COL7A1: variants seen among roughly 807,000 people sequenced by gnomAD.
The protein encoded by COL7A1 is collagen type VII alpha 1 chain, also known as collagen alpha-1(VII) chain.
COL7A1 carries 296 observed loss-of-function variants against 456.2 expected under a neutral mutation model. The ratio of observed to expected loss-of-function variants is 0.65; its 90% confidence interval spans 0.59 to 0.71. The LOEUF (loss-of-function observed/expected upper bound fraction) is 0.71. Ranked by LOEUF, COL7A1 falls within the 30% of genes least tolerant of loss-of-function variation. The pLI is 0.00. For missense variants in COL7A1, 3,441 were observed against 4,017.2 expected, an observed-to-expected ratio of 0.86 and a Z score of 3.88; for synonymous variants, 1,464 against 1,525.9, an observed-to-expected ratio of 0.96 and a Z score of 0.95.
rs765378487 is a variant in COL7A1 at position 48,571,303 on chromosome 3, T to C, written c.7069-25A>G. The C allele has an allele frequency of 3.1e-6, 5 of 1,613,940 alleles. No homozygotes were observed. Among genetic ancestry groups the C allele is most frequent in the Non-Finnish European group, 4.2e-6 (5 of 1,179,934 alleles). On this transcript the variant is annotated intron_variant, in intron 92 of 118. Coordinates refer to ENST00000681320, the MANE Select transcript of COL7A1 (RefSeq NM_000094.4). This position sits in a 1 kb window ranked among gnomAD's most constrained non-coding sequence, Gnocchi z 4.6. ...CCTAAGAAAACCCAGCAAACAGCAT[T>C]TGAGAGGGTAGGAACATGAGCACAG...
chr3:48,589,047 C>A, intron 18 of COL7A1, 52 bp from the exon 19 acceptor site: 1 of 1,612,062 alleles, frequency 6.2e-7, no homozygotes, highest in Non-Finnish European at 8.5e-7. Context: ...AGAGGCAGTG[C>A]AGGAATGGTT....
chr3:48,566,823 G>A lies in COL7A1; in HGVS notation c.8226+84C>T. ...GTTGGGGGCCACAGCTTCAGAGGTT[G>A]GGGCAGGCAGGCTGGAAGATGGTTA... On this transcript the variant is annotated intron_variant, in intron 111 of 118. Transcript: ENST00000681320. This position sits in a 1 kb window ranked among gnomAD's most constrained non-coding sequence, Gnocchi z 5.9. 6.3e-7 allele frequency: 1 copy of A among 1,583,916 alleles called. No homozygotes were observed. The highest frequency in any genetic ancestry group is 1.1e-5 in the South Asian group (1 of 89,874).
At position 48,585,957 on chromosome 3, in the gene COL7A1, G is replaced by C; in HGVS notation, c.3742C>G (p.Pro1248Ala). The C allele has an allele frequency of 1.2e-6, 2 of 1,614,070 alleles. No homozygotes were observed. The highest frequency in any genetic ancestry group is 1.7e-6 in the Non-Finnish European group (2 of 1,180,020). ...FTTQPRPEPC[P>A]VYCPKGQKGE... Reference sequence around the variant, plus strand: ...ACTCTTACCTTTGGACAATACACTGGGCAGGGCTCTGGCCGGGGCTGCGGA... The same window carrying C: ...ACTCTTACCTTTGGACAATACACTGCGCAGGGCTCTGGCCGGGGCTGCGGA... Residue 1248 changes from proline (P) to alanine (A), a missense_variant, in exon 29 of 119, where the codon CCA becomes GCA. By Grantham distance (27) the Pro-to-Ala change is conservative. Transcript: ENST00000681320. This position sits in a 1 kb window ranked among gnomAD's most constrained non-coding sequence, Gnocchi z 4.5.
chr3:48,583,431 G>C lies in COL7A1; in HGVS notation c.4402-3C>G, dbSNP rs1225325330. 6.2e-7 allele frequency: 1 copy of C among 1,614,046 alleles called. No individual in the cohort carries two copies. Among genetic ancestry groups the C allele is most frequent in the Admixed American group, 1.7e-5 (1 of 60,000 alleles). ...GCTCCAGGAGGTCCCCGTGGGCCCT[G>C]GAAGGGATGAATTTGGGGGTTCAGA... On this transcript the variant is annotated splice_polypyrimidine_tract_variant and splice_region_variant and intron_variant, in intron 41 of 118. Transcript: ENST00000681320. The surrounding 1 kb of genome is among the most constrained non-coding windows in gnomAD (Gnocchi z 5.1).
At position 48,591,344 on chromosome 3, in the gene COL7A1, C is replaced by A; in HGVS notation, c.1636+120G>T. 7.3e-7 allele frequency: 1 copy of A among 1,372,288 alleles called. No homozygotes were observed. Among genetic ancestry groups the A allele is most frequent in the African/African-American group, 1.4e-5 (1 of 70,034 alleles). The allele number at this position is 1,372,288 out of a possible 1,614,324, so 85.0% of individuals were successfully genotyped here. On this transcript the variant is annotated intron_variant, in intron 13 of 118. Coordinates refer to ENST00000681320, the MANE Select transcript of COL7A1 (RefSeq NM_000094.4). This position sits in a 1 kb window ranked among gnomAD's most constrained non-coding sequence, Gnocchi z 7.0. ...GCCATCTTGGGAAGCAGATGGATAACGAGACAGGGAGGAGACTATAGGGAC... is the reference window on the plus strand; with the variant it reads ...GCCATCTTGGGAAGCAGATGGATAAAGAGACAGGGAGGAGACTATAGGGAC...
rs779538291 is a variant in COL7A1 at position 48,592,257 on chromosome 3, G to A, written c.1094-9C>T. 11 of 1,613,976 alleles carry A rather than the reference G, an allele frequency of 6.8e-6. No homozygotes were observed. In the South Asian group the frequency reaches 1.2e-4, roughly 18 times the overall value. On this transcript the variant is annotated splice_polypyrimidine_tract_variant and intron_variant, in intron 9 of 118. Transcript: ENST00000681320. The surrounding 1 kb of genome is among the most constrained non-coding windows in gnomAD (Gnocchi z 7.6). ...CTGCTGTGTGGGCCCACCTGCATGGGGGACACCAAGGGGCCAGTGGGCCTT... is the reference window on the plus strand; with the variant it reads ...CTGCTGTGTGGGCCCACCTGCATGGAGGACACCAAGGGGCCAGTGGGCCTT...
Position 48,593,329 on chromosome 3 carries a change from G to A in COL7A1, c.520+27C>T. On this transcript the variant is annotated intron_variant, in intron 5 of 118. Coordinates refer to ENST00000681320, the MANE Select transcript of COL7A1 (RefSeq NM_000094.4). This position sits in a 1 kb window ranked among gnomAD's most constrained non-coding sequence, Gnocchi z 4.4. ...CTCTGACTGCCCCCACCCCCCAGCT[G>A]ACCTGTCACTCCTGCTCGGTCCTTA... 1 of 1,613,940 alleles carries A rather than the reference G, an allele frequency of 6.2e-7. No individual in the cohort carries two copies. The highest frequency in any genetic ancestry group is 1.1e-5 in the South Asian group (1 of 91,068).
rs1038658202 is a variant in COL7A1 at position 48,568,109 on chromosome 3, A to G, written c.7856T>C (p.Met2619Thr). 13 of 1,614,218 alleles carry G rather than the reference A, an allele frequency of 8.1e-6. No individual in the cohort carries two copies. The highest frequency in any genetic ancestry group is 1.0e-5 in the Non-Finnish European group (12 of 1,180,038). Residue 2619 changes from methionine to threonine, a missense_variant, in exon 106 of 119, where the codon ATG becomes ACG. Physicochemically the swap from Met to Thr is moderately conservative, Grantham distance 81. This residue lies in a region of COL7A1 where 2,084 missense variants were observed against 2,501.3 expected (regional missense o/e 0.83). Coordinates refer to ENST00000681320, the MANE Select transcript of COL7A1 (RefSeq NM_000094.4). The surrounding 1 kb of genome is among the most constrained non-coding windows in gnomAD (Gnocchi z 5.2). ...TCCTACCTTGAGGCCCCGGGGACCC[A>G]TGAAGCCAACATCTCCTTTTTCTCC... ...IRGEKGDVGF[M>T]GPRGLKGERG...
rs966257558 is a variant in COL7A1, at chr3:48,593,610, C to G, written c.353G>C (p.Arg118Pro). 3.1e-6 allele frequency: 5 copies of G among 1,614,170 alleles called. No homozygotes were observed. Among genetic ancestry groups the G allele is most frequent in the Non-Finnish European group, 4.2e-6 (5 of 1,180,016 alleles). ...CACATGGAGAATTGCAGCCCCTGTG[C>G]GAGTGTTGCCCCCCTTGTAGCTAAG... ...RELSYKGGNT[R>P]TGAAILHVAD... Residue 118 changes from arginine to proline, a missense_variant, in exon 4 of 119, where the codon CGC becomes CCC. By Grantham distance (103) the Arg-to-Pro change is moderately radical. Transcript: ENST00000681320. This position sits in a 1 kb window ranked among gnomAD's most constrained non-coding sequence, Gnocchi z 4.4.
In COL7A1 at chr3:48,583,835, C is replaced by A; in HGVS notation, c.4279-55G>T. The stretch of plus-strand genomic sequence containing the variant: ...AAGAACTATGAAGCCCAGCACCCAA[C>A]CACTGCCCCAGGAGAGACCCACACC... On this transcript the variant is annotated intron_variant, in intron 39 of 118. Coordinates refer to ENST00000681320, the MANE Select transcript of COL7A1 (RefSeq NM_000094.4). The surrounding 1 kb of genome is among the most constrained non-coding windows in gnomAD (Gnocchi z 5.1). 6.2e-7 allele frequency: 1 copy of A among 1,613,552 alleles called. No homozygotes were observed. The highest frequency in any genetic ancestry group is 1.1e-5 in the South Asian group (1 of 91,070).
rs752978609 is a variant in COL7A1, at chr3:48,579,909, C to T, written c.5125-95G>A. On this transcript the variant is annotated intron_variant, in intron 57 of 118. Transcript: ENST00000681320. The surrounding 1 kb of genome is among the most constrained non-coding windows in gnomAD (Gnocchi z 4.4). ...GTCTGTGAGGGGCTCCAGGGATCCGCGGAGGTTTCAGAGGGACAGTGGGGG... is the reference window on the plus strand; with the variant it reads ...GTCTGTGAGGGGCTCCAGGGATCCGTGGAGGTTTCAGAGGGACAGTGGGGG... The T allele has an allele frequency of 2.4e-5, 39 of 1,607,010 alleles. No homozygotes were observed. The highest frequency in any genetic ancestry group is 5.5e-5 in the South Asian group (5 of 90,880).
At position 48,566,190 on chromosome 3, in the gene COL7A1, G is replaced by GT. The variant is rs2043596455; in HGVS notation, c.8407+76dup. On this transcript the variant is annotated intron_variant, in intron 114 of 118. Coordinates refer to ENST00000681320, the MANE Select transcript of COL7A1 (RefSeq NM_000094.4). The surrounding 1 kb of genome is among the most constrained non-coding windows in gnomAD (Gnocchi z 5.9). ...CCCCATCTTCTTGACTGCTTGCCCT[G>GT]TAAGTTCTAGGGGCCTGCCTGCCCT... 1 of 1,487,342 alleles carries GT rather than the reference G, an allele frequency of 6.7e-7. No individual in the cohort carries two copies. The highest frequency in any genetic ancestry group is 9.2e-7 in the Non-Finnish European group (1 of 1,087,190). 92.1% of individuals were successfully genotyped at this position (1,487,342 alleles called of 1,614,324 possible). A position where few individuals can be genotyped will look rare whatever the true frequency, so the allele number is the denominator to read the frequency against.
chr3:48,580,591 T>C lies in COL7A1; in HGVS notation c.5042A>G (p.Asp1681Gly). ...EKGDQGDPGE[D>G]GRNGSPGSSG... is the part of the protein sequence containing the mutation. The stretch of plus-strand genomic sequence containing the variant: ...TAGGCTGGGACTCACATTTCGTCCA[T>C]CCTCTCCAGGATCTCCCTGGTCTCC... Residue 1681 changes from aspartate (D) to glycine (G), a missense_variant, in exon 55 of 119, where the codon GAT (aspartate) becomes GGT (glycine). This residue lies in a region of COL7A1 where 2,084 missense variants were observed against 2,501.3 expected (regional missense o/e 0.83). Coordinates refer to ENST00000681320, the MANE Select transcript of COL7A1 (RefSeq NM_000094.4). This position sits in a 1 kb window ranked among gnomAD's most constrained non-coding sequence, Gnocchi z 4.5. The C allele has an allele frequency of 6.2e-7, 1 of 1,613,726 alleles. No individual in the cohort carries two copies. Among genetic ancestry groups the C allele is most frequent in the South Asian group, 1.1e-5 (1 of 91,052 alleles).
Position 48,583,399 on chromosome 3 carries a change from G to A in COL7A1, c.4431C>T (p.Gly1477=), listed in dbSNP as rs2044929597. Residue 1477 remains glycine, a synonymous_variant, in exon 42 of 119, where the codon GGC becomes GGT. Coordinates refer to ENST00000681320, the MANE Select transcript of COL7A1 (RefSeq NM_000094.4). This position sits in a 1 kb window ranked among gnomAD's most constrained non-coding sequence, Gnocchi z 5.1. ...TCCCCCAACTGGTACTCACTTTGGG[G>A]CCAATAGCTCCAGGAGGTCCCCGTG... ...QGPRGPPGAI[G]PKGDRGFPGP... 1.2e-6 allele frequency: 2 copies of A among 1,613,972 alleles called. No homozygotes were observed. The highest frequency in any genetic ancestry group is 1.7e-6 in the Non-Finnish European group (2 of 1,179,990).
At chr3:48,584,835 C>CA (rs1268925711) in intron 34 of COL7A1, 66 bp from the exon 35 acceptor site, 31 of 1,613,676 alleles carry the variant, frequency 1.9e-5, no homozygotes, top group Non-Finnish European at 2.6e-5. Flanking sequence ...GGCACTGCAC[C>CA]ACCACCCCAG....
At position 48,588,912 on chromosome 3, in the gene COL7A1, T is replaced by C. The variant is rs1464460761; in HGVS notation, c.2398A>G (p.Thr800Ala). The C allele has an allele frequency of 6.2e-7, 1 of 1,613,702 alleles. No homozygotes were observed. Among genetic ancestry groups the C allele is most frequent in the Admixed American group, 1.7e-5 (1 of 60,026 alleles). ...DVLRITWVGV[T>A]GATAYRLAWG... ...GCCAGTCTGTAAGCTGTGGCTCCAGTGACCCCTACCCAGGTGATCCGTAGA... is the reference window on the plus strand; with the variant it reads ...GCCAGTCTGTAAGCTGTGGCTCCAGCGACCCCTACCCAGGTGATCCGTAGA... Residue 800 changes from threonine to alanine, a missense_variant, in exon 19 of 119, where the codon ACT becomes GCT. Physicochemically the swap from Thr to Ala is moderately conservative, Grantham distance 58. Coordinates refer to ENST00000681320, the MANE Select transcript of COL7A1 (RefSeq NM_000094.4). This position sits in a 1 kb window ranked among gnomAD's most constrained non-coding sequence, Gnocchi z 4.6.
Position 48,568,726 on chromosome 3 carries a change from G to T in COL7A1, c.7758+58C>A. The T allele has an allele frequency of 1.3e-6, 2 of 1,525,700 alleles. No individual in the cohort carries two copies. Among genetic ancestry groups the T allele is most frequent in the Non-Finnish European group, 8.9e-7 (1 of 1,124,012 alleles). 94.5% of individuals were successfully genotyped at this position (1,525,700 alleles called of 1,614,324 possible). A position where few individuals can be genotyped will look rare whatever the true frequency, so the allele number is the denominator to read the frequency against. On this transcript the variant is annotated intron_variant, in intron 104 of 118. Coordinates refer to ENST00000681320, the MANE Select transcript of COL7A1 (RefSeq NM_000094.4). The surrounding 1 kb of genome is among the most constrained non-coding windows in gnomAD (Gnocchi z 5.2). Reference sequence around the variant, plus strand: ...ACTTAAGAGGACCCCCAGGATATGTGTGTGTGTGATGCTGGCTCTGGACCT... The same window carrying T: ...ACTTAAGAGGACCCCCAGGATATGTTTGTGTGTGATGCTGGCTCTGGACCT...
Position 48,570,899 on chromosome 3 carries a change from G to T in COL7A1, c.7234C>A (p.Arg2412=), listed in dbSNP as rs1342522878. Residue 2412 remains arginine (R), a synonymous_variant, in exon 95 of 119, where the codon CGA becomes AGA. Coordinates refer to ENST00000681320, the MANE Select transcript of COL7A1 (RefSeq NM_000094.4). The surrounding 1 kb of genome is among the most constrained non-coding windows in gnomAD (Gnocchi z 5.5). ...GGGCCTGGCTGACCCATCTCTCCTC[G>T]AGGGCCTGTCTGACCCGGGAACCCA... ...VVGFPGQTGP[R]GEMGQPGPSG... The T allele has an allele frequency of 1.9e-6, 3 of 1,613,424 alleles. No individual in the cohort carries two copies. The highest frequency in any genetic ancestry group is 1.1e-5 in the South Asian group (1 of 90,904).
Position 48,581,788 on chromosome 3 carries a change from G to T in COL7A1, c.4669-29C>A, listed in dbSNP as rs1177014167. On this transcript the variant is annotated intron_variant, in intron 48 of 118. Transcript: ENST00000681320. This position sits in a 1 kb window ranked among gnomAD's most constrained non-coding sequence, Gnocchi z 5.8. Reference sequence around the variant, plus strand: ...GAGGTGACAAAGACCATCAGTGCTAGTCCCAGGCTCCAGTTAACCCCCTGA... The same window carrying T: ...GAGGTGACAAAGACCATCAGTGCTATTCCCAGGCTCCAGTTAACCCCCTGA... 1 of 1,613,962 alleles carries T rather than the reference G, an allele frequency of 6.2e-7. No individual in the cohort carries two copies. The highest frequency in any genetic ancestry group is 8.5e-7 in the Non-Finnish European group (1 of 1,179,942).
Sources: gnomAD v4.1 joint callset for allele counts on GRCh38, gnomAD v4.1.1 for gene constraint, gnomAD v4.1.1 regional missense constraint, Gnocchi (gnomAD v3.1) non-coding constraint, MANE v1.5 for transcripts, NCBI Gene and HGNC (gene_info 2026-07-23, HGNC 2026-07-21) for gene names.